NDUFAF5: variants seen among roughly 807,000 people sequenced by gnomAD.
NDUFAF5 encodes the protein arginine-hydroxylase NDUFAF5, mitochondrial.
NDUFAF5 carries 34 observed loss-of-function variants against 48.9 expected under a neutral mutation model. The observed-to-expected ratio is 0.70, with a 90% CI of 0.53 to 0.93. NDUFAF5 has a LOEUF of 0.93. NDUFAF5 is among the 40% of genes least tolerant of loss of function. The pLI, the probability that NDUFAF5 is intolerant of heterozygous loss-of-function variation, is 0.00. For synonymous variants in NDUFAF5, 153 were observed against 150.6 expected (o/e 1.02, Z -0.12); for missense variants, 428 against 427.5 (o/e 1.00, Z -0.01).
chr20:13,791,955 A>G (rs1600328951), intron 3 of NDUFAF5, among the ~76,000 whole-genome samples: 1 of 152,170 alleles, frequency 6.6e-6, no homozygotes, highest in African/African-American at 2.4e-5. Flanking sequence ...CTGTGACATC[A>G]TATTGATAGC....
intron 8 of NDUFAF5, among the ~76,000 whole-genome samples, chr20:13,814,825 G>C (rs1277938119): frequency 2.6e-5 from 4 of 152,194 alleles, no homozygotes; most frequent in Non-Finnish European, 5.9e-5. Flanking sequence ...GGTTATATAA[G>C]AGTTAAAACT....
intron 1 of NDUFAF5, among the ~76,000 whole-genome samples, chr20:13,785,515 G>C (rs899742293): frequency 2.0e-5 from 3 of 152,258 alleles, no homozygotes; most frequent in Non-Finnish European, 2.9e-5. Context: ...CCTTGAGGCT[G>C]AAAGGACCTT....
At chr20:13,796,108 C>T (rs1302781017) in intron 5 of NDUFAF5, among the ~76,000 whole-genome samples, 1 of 152,192 alleles carries the variant, frequency 6.6e-6, no homozygotes, top group African/African-American at 2.4e-5. Flanking sequence ...AGGCTCTCCA[C>T]GTCCAGTTCA....
Position 13,816,869 on chromosome 20 carries a change from T to C in NDUFAF5, c.863-6T>C, listed in dbSNP as rs1180862618. On this transcript the variant is annotated splice_polypyrimidine_tract_variant and splice_region_variant and intron_variant, in intron 9 of 10. Transcript: ENST00000378106. ...TTTCAGACTTTAACCATTATTGTCT[T>C]TTTAGAAATGTACAGAAATGAAGAT... 7 of 1,596,274 alleles carry C rather than the reference T, an allele frequency of 4.4e-6. No homozygotes were observed. In the Admixed American group the frequency reaches 1.2e-4, roughly 27 times the overall value.
rs1238195287 is a variant in NDUFAF5, at chr20:13,809,051, A to C, written c.778+149A>C. ...ACTAGGGATCCATTGTTGAGGAGAA[A>C]GCAGACTGTCTTCATGGAGCTTCTG... On this transcript the variant is annotated intron_variant, in intron 8 of 10. Transcript: ENST00000378106. The C allele has an allele frequency of 4.6e-6, 3 of 655,996 alleles. No homozygotes were observed. The Admixed American group carries it at 7.9e-5, about 17-fold the overall frequency. 40.6% of individuals were successfully genotyped at this position (655,996 alleles called of 1,614,324 possible).
chr20:13,809,140 T>C (rs1023703083), intron 8 of NDUFAF5: 24 of 549,924 alleles, frequency 4.4e-5, no homozygotes, highest in Non-Finnish European at 7.2e-5. Context: ...ATTAGAATTA[T>C]GGTCAGTGCT....
intron 2 of NDUFAF5, 119 bp from the exon 3 acceptor site, chr20:13,788,470 C>T (rs1396697503): frequency 5.3e-6 from 4 of 758,776 alleles, no homozygotes; most frequent in Non-Finnish European, 9.3e-6. Flanking sequence ...GCTGAAAAGG[C>T]AGATGATGTA....
rs539532040 is a variant in NDUFAF5, at chr20:13,818,000, C to T, written c.*790C>T. ...AGGCTGAGAAGCAAGCAGGAGTGAG[C>T]GCTAAGTGTTTTGTTTCCAGTTAGC... On this transcript the variant is annotated 3_prime_UTR_variant, in exon 11 of 11. Coordinates refer to ENST00000378106, the MANE Select transcript of NDUFAF5 (RefSeq NM_024120.5). 20 of 454,108 alleles carry T rather than the reference C, an allele frequency of 4.4e-5. No individual in the cohort carries two copies. The highest frequency in any genetic ancestry group is 1.6e-4 in the African/African-American group (8 of 50,136). 28.1% of individuals were successfully genotyped at this position (454,108 alleles called of 1,614,324 possible). A position where few individuals can be genotyped will look rare whatever the true frequency, so the allele number is the denominator to read the frequency against.
intron 1 of NDUFAF5, 150 bp downstream of exon 1, chr20:13,785,440 G>C (rs1980870449): frequency 1.5e-6 from 1 of 650,080 alleles, no homozygotes; most frequent in Non-Finnish European, 2.6e-6. Context: ...CTGTAATCAC[G>C]CAAGGCCTGG....
Position 13,785,104 on chromosome 20 carries a change from G to A in NDUFAF5, c.36G>A (p.Arg12=). Residue 12 remains arginine, a synonymous_variant, in exon 1 of 11, where the codon CGG becomes CGA. Transcript: ENST00000378106. ...CGGCAGGGCTCTGGCGCTTATGTCGGCGACCTTGGGCGGCGAGGGTCCCAG... is the reference window on the plus strand; with the variant it reads ...CGGCAGGGCTCTGGCGCTTATGTCGACGACCTTGGGCGGCGAGGGTCCCAG... ...LRPAGLWRLC[R]RPWAARVPAE... 1 of 1,613,394 alleles carries A rather than the reference G, an allele frequency of 6.2e-7. No homozygotes were observed. The highest frequency in any genetic ancestry group is 1.1e-5 in the South Asian group (1 of 91,056).
At chr20:13,801,797 CTTTTT>C in intron 7 of NDUFAF5, 114 bp downstream of exon 7, 2 of 774,498 alleles carry the variant, frequency 2.6e-6, no homozygotes, top group South Asian at 3.5e-5. Context: ...CTTTCTCTCC[CTTTTT>C]TTTTCTCTTT....
intron 8 of NDUFAF5, among the ~76,000 whole-genome samples, chr20:13,812,734 A>G (rs1470404348): frequency 6.6e-6 from 1 of 152,222 alleles, no homozygotes; most frequent in African/African-American, 2.4e-5. Context: ...ATCTGTAGTT[A>G]CAATTTGAAT....
rs758713463 is a variant in NDUFAF5, at chr20:13,817,278, A to G, written c.*68A>G. ...ATGGATAGCTTTAACATCTAAAATT[A>G]TTATATTTTGAAGCAAGAAGCACTC... On this transcript the variant is annotated 3_prime_UTR_variant, in exon 11 of 11. Coordinates refer to ENST00000378106, the MANE Select transcript of NDUFAF5 (RefSeq NM_024120.5). 3.3e-6 allele frequency: 4 copies of G among 1,224,550 alleles called. No homozygotes were observed. The East Asian group carries it at 9.3e-5, about 28-fold the overall frequency. The allele number at this position is 1,224,550 out of a possible 1,614,324, so 75.9% of individuals were successfully genotyped here. A position where few individuals can be genotyped will look rare whatever the true frequency, so the allele number is the denominator to read the frequency against.
In NDUFAF5 at chr20:13,819,088, G is replaced by A. The variant is rs546697402; in HGVS notation, c.*1878G>A. The A allele has an allele frequency of 1.3e-5, 2 of 152,330 alleles. No homozygotes were observed. The highest frequency in any genetic ancestry group is 2.1e-4 in the South Asian group (1 of 4,834). The allele number at this position is 152,330 out of a possible 1,614,324, so 9.4% of individuals were successfully genotyped here. ...TAATTGAGGACCCTTATTGTTTAAT[G>A]TGAGTGATTGTAGTGAAAACACTTA... On this transcript the variant is annotated 3_prime_UTR_variant, in exon 11 of 11. Transcript: ENST00000378106.
At chr20:13,813,919 C>T (rs754233982) in intron 8 of NDUFAF5, among the ~76,000 whole-genome samples, 5 of 151,814 alleles carry the variant, frequency 3.3e-5, no homozygotes, top group Non-Finnish European at 5.9e-5. Flanking sequence ...TTCAGATTAG[C>T]GTTGTAATGT....
chr20:13,787,700 A>G (rs902497807), intron 2 of NDUFAF5, among the ~76,000 whole-genome samples: 5 of 152,224 alleles, frequency 3.3e-5, no homozygotes, highest in African/African-American at 1.2e-4. Context: ...TAACTGTGCC[A>G]TATTGCCTGT....
In NDUFAF5 at chr20:13,808,904, T is replaced by C; in HGVS notation, c.778+2T>C. The C allele has an allele frequency of 1.3e-6, 2 of 1,594,274 alleles. No homozygotes were observed. The highest frequency in any genetic ancestry group is 8.6e-7 in the Non-Finnish European group (1 of 1,162,116). On this transcript the variant is annotated splice_donor_variant, in intron 8 of 10. Transcript: ENST00000378106. LOFTEE classifies it high-confidence loss of function. ...TTGAATTGATGGAAGATTTACAAGG[T>C]AAGGCACTTTAAAGAATTTTTAGAC... is the stretch of plus-strand genomic sequence containing the variant.
intron 7 of NDUFAF5, among the ~76,000 whole-genome samples, chr20:13,802,607 T>C (rs950717451): frequency 2.7e-5 from 4 of 148,422 alleles, no homozygotes; most frequent in Non-Finnish European, 5.9e-5. Flanking sequence ...GAGGCGGAGG[T>C]TGCAGTGAGC....
At chr20:13,814,524 A>G (rs748812863) in intron 8 of NDUFAF5, 221 of 1,255,420 alleles carry the variant, frequency 1.8e-4, no homozygotes, top group Middle Eastern at 4.4e-4. Context: ...AGGTAAGTTC[A>G]GTTATTTTTT....
Sources: allele counts gnomAD v4.1 joint callset (sites outside exome capture counted in the v4.1 genomes callset), GRCh38; gene constraint gnomAD v4.1.1; transcripts MANE v1.5; gene names NCBI Gene and HGNC (gene_info 2026-07-23, HGNC 2026-07-21).